The following DGKH variants were observed in gnomAD, a reference collection of about 807,000 sequenced individuals.
DGKH encodes the protein DAG kinase eta.
DGKH carries 90 observed loss-of-function variants against 159.3 expected under a neutral mutation model. That is an observed-to-expected ratio of 0.57 (90% CI 0.48 to 0.67). The LOEUF is 0.67. Ranked by LOEUF, DGKH falls within the 30% of genes least tolerant of loss-of-function variation. The pLI is 0.00. For missense variants in DGKH, 1,181 were observed against 1,506.1 expected (o/e 0.78, Z 3.57); for synonymous variants, 536 against 553.8 (o/e 0.97, Z 0.45).
chr13:42,130,705 G>A (rs1278321782), intron 3 of DGKH, among the ~76,000 whole-genome samples: 1 of 152,078 alleles, frequency 6.6e-6, no homozygotes, highest in African/African-American at 2.4e-5. Context: ...ATAGAGGTGA[G>A]CACTGGTAGG....
At chr13:42,172,364 C>T (rs73187293) in intron 11 of DGKH, among the ~76,000 whole-genome samples, 17,227 of 151,978 alleles carry the variant, frequency 0.11, 1,557 homozygotes, top group East Asian at 0.42. Context: ...GTGATCTGCC[C>T]GCCTCAGCCT....
At position 42,209,120 on chromosome 13, in the gene DGKH, G is replaced by T. The variant is rs199678808; in HGVS notation, c.2715+48G>T. On this transcript the variant is annotated intron_variant, in intron 22 of 29. Transcript: ENST00000337343. ...GACTGCACTTCTTGGGCTAAGGAGGGTTGAAGGAATCTATTCTAAACAACT... is the reference window on the plus strand; with the variant it reads ...GACTGCACTTCTTGGGCTAAGGAGGTTTGAAGGAATCTATTCTAAACAACT... 5.8e-6 allele frequency: 9 copies of T among 1,539,650 alleles called. No homozygotes were observed. The East Asian group carries it at 2.1e-4, about 35-fold the overall frequency.
intron 23 of DGKH, 51 bp from the exon 24 acceptor site, chr13:42,210,551 G>A (rs1957627328): frequency 6.5e-7 from 1 of 1,539,334 alleles, no homozygotes; most frequent in African/African-American, 1.4e-5. Context: ...ACATTTACAT[G>A]GACCTCTGAG....
At chr13:42,131,019 G>A (rs895950765) in intron 3 of DGKH, among the ~76,000 whole-genome samples, 3 of 152,032 alleles carry the variant, frequency 2.0e-5, no homozygotes, top group Non-Finnish European at 4.4e-5. Flanking sequence ...GAGAGGTCAA[G>A]TCAAAGAAGA....
At chr13:42,058,694 T>C (rs894058341) in intron 1 of DGKH, among the ~76,000 whole-genome samples, 11 of 152,210 alleles carry the variant, frequency 7.2e-5, no homozygotes, top group African/African-American at 2.7e-4. Context: ...CCTTTTCCCC[T>C]TGCAGATAGA....
At chr13:42,256,144 C>A in intron 30 of DGKH, 1 of 1,181,026 alleles carries the variant, frequency 8.5e-7, no homozygotes, top group Non-Finnish European at 1.3e-6. Flanking sequence ...AAGCAATGAC[C>A]ATGGTTGTAG....
At chr13:42,158,672 T>C (rs980536817) in intron 5 of DGKH, among the ~76,000 whole-genome samples, 2 of 152,178 alleles carry the variant, frequency 1.3e-5, no homozygotes, top group African/African-American at 4.8e-5. Context: ...CTCAACATAA[T>C]ACTTTCCAAA....
chr13:42,120,974 A>G (rs1334452754), intron 1 of DGKH, among the ~76,000 whole-genome samples: 1 of 151,968 alleles, frequency 6.6e-6, no homozygotes, highest in Non-Finnish European at 1.5e-5. Context: ...ACCCCAACCC[A>G]CAACTAGATT....
In DGKH at chr13:42,219,731, T is replaced by G. The variant is rs1193073014; in HGVS notation, c.3379T>G (p.Phe1127Val). Reference sequence around the variant, plus strand: ...CAAAAGGAACAACAGAAGCACCGTATTTCGAATAGTGCCAAAGTTTAAAAA... The same window carrying G: ...CAAAAGGAACAACAGAAGCACCGTAGTTCGAATAGTGCCAAAGTTTAAAAA... ...CTKRNNRSTV[F>V]RIVPKFKKEK... is the part of the protein sequence containing the mutation. The change falls in exon 28 of 30, where the codon TTT (phenylalanine) becomes GTT (valine). Residue 1127 changes from phenylalanine (F) to valine (V), a missense_variant. Phe to Val is a conservative substitution (Grantham distance 50). Coordinates refer to ENST00000337343, the MANE Select transcript of DGKH (RefSeq NM_178009.5). 6.2e-7 allele frequency: 1 copy of G among 1,613,682 alleles called. No homozygotes were observed. The highest frequency in any genetic ancestry group is 8.5e-7 in the Non-Finnish European group (1 of 1,179,832).
intron 1 of DGKH, among the ~76,000 whole-genome samples, chr13:42,067,835 A>G (rs1379158902): frequency 6.6e-6 from 1 of 152,184 alleles, no homozygotes; most frequent in Non-Finnish European, 1.5e-5. Context: ...GCCACATGCT[A>G]CATTTAACCT....
At chr13:42,185,688 A>G (rs1464322287) in intron 13 of DGKH, among the ~76,000 whole-genome samples, 1 of 152,182 alleles carries the variant, frequency 6.6e-6, no homozygotes, top group Non-Finnish European at 1.5e-5. Context: ...AATGCCTAGA[A>G]GAGATTTTGT....
At chr13:42,221,885 C>G (rs770567841) in intron 29 of DGKH, among the ~76,000 whole-genome samples, 1 of 152,130 alleles carries the variant, frequency 6.6e-6, no homozygotes, top group Non-Finnish European at 1.5e-5. Context: ...TCTAAGTCAG[C>G]CTTTTTTAGG....
downstream of DGKH, among the ~76,000 whole-genome samples, chr13:42,244,371 T>G (rs776692364): frequency 9.2e-5 from 14 of 152,128 alleles, no homozygotes; most frequent in Admixed American, 4.6e-4. Flanking sequence ...AGCCGGAGAA[T>G]GAATGAAGCC....
In DGKH at chr13:42,075,256, C is replaced by T. The variant is rs530767648; in HGVS notation, c.192+26291C>T. On this transcript the variant is annotated intron_variant, in intron 1 of 29. Coordinates refer to ENST00000337343, the MANE Select transcript of DGKH (RefSeq NM_178009.5). Reference sequence around the variant, plus strand: ...GTGTTTGAAGGTGTAATAATCCTTCCAATTTGTTAATACATTTAGAATAGT... The same window carrying T: ...GTGTTTGAAGGTGTAATAATCCTTCTAATTTGTTAATACATTTAGAATAGT... Among the ~76,000 whole-genome samples, 3 of 152,186 alleles carry T rather than the reference C, an allele frequency of 2.0e-5. No individual in the cohort carries two copies. In the South Asian group the frequency reaches 6.2e-4, roughly 32 times the overall value.
At chr13:42,254,728 T>C (rs965975869) in intron 30 of DGKH, among the ~76,000 whole-genome samples, 1 of 152,192 alleles carries the variant, frequency 6.6e-6, no homozygotes, top group African/African-American at 2.4e-5. Context: ...TTGAAGGCAG[T>C]ATATATGCTT....
At chr13:42,153,815 A>C (rs1327298298) in intron 3 of DGKH, 2 of 152,218 alleles carry the variant, frequency 1.3e-5, no homozygotes, top group African/African-American at 4.8e-5. Context: ...AGAAAATGCA[A>C]AAGTGAGGTT....
At chr13:42,084,663 C>CGTA (rs1257146993) in intron 1 of DGKH, among the ~76,000 whole-genome samples, 2 of 151,832 alleles carry the variant, frequency 1.3e-5, no homozygotes, top group African/African-American at 4.8e-5. Flanking sequence ...TATAATTTTA[C>CGTA]AGTTAACAAT....
chr13:42,164,827 A>G (rs1314017373), intron 7 of DGKH, among the ~76,000 whole-genome samples: 2 of 152,194 alleles, frequency 1.3e-5, no homozygotes, highest in Non-Finnish European at 2.9e-5. Flanking sequence ...AATGTCATAA[A>G]AGAAATGTGA....
intron 29 of DGKH, among the ~76,000 whole-genome samples, chr13:42,224,666 T>C (rs1224341428): frequency 1.3e-5 from 1 of 79,822 alleles, no homozygotes; most frequent in South Asian, 3.4e-4. Flanking sequence ...TTCAACCTCC[T>C]GTGAAGTCTC....
Sources: gnomAD v4.1 joint callset for allele counts (sites outside exome capture counted in the v4.1 genomes callset) on GRCh38, gnomAD v4.1.1 for gene constraint, MANE v1.5 for transcripts, NCBI Gene and HGNC (gene_info 2026-07-23, HGNC 2026-07-21) for gene names.